Variants in DIS3L observed in about 807,000 individuals in gnomAD.
DIS3L encodes DIS3 like exosome 3'-5' exoribonuclease, also known as DIS3-like exonuclease 1.
DIS3L carries 100 observed loss-of-function variants against 120.3 expected under a neutral mutation model. The observed-to-expected ratio is 0.83, with a 90% CI of 0.71 to 0.98. DIS3L has a LOEUF of 0.98. Among genes scored for constraint, DIS3L ranks in the 50% least tolerant of loss-of-function variants. DIS3L has a pLI of 0.00. For missense variants in DIS3L, 1,196 were observed against 1,314.2 expected (o/e 0.91, Z 1.39); for synonymous variants, 426 against 470.6 (o/e 0.91, Z 1.23).
chr15:66,325,794 T>C (rs1290895444), intron 11 of DIS3L, 37 bp from the exon 12 acceptor site: 1 of 1,551,026 alleles, frequency 6.4e-7, no homozygotes, highest in Non-Finnish European at 8.7e-7. Flanking sequence ...CCAGATGAAT[T>C]TGAATAGTGA....
chr15:66,307,971 G>A (rs1373807328), intron 3 of DIS3L, among the ~76,000 whole-genome samples: 3 of 152,058 alleles, frequency 2.0e-5, no homozygotes, highest in African/African-American at 7.2e-5. Context: ...TCAGGAGTTC[G>A]AGACCGGCCT....
At chr15:66,330,979 AC>A (rs1303398645) in intron 14 of DIS3L, among the ~76,000 whole-genome samples, 1 of 151,870 alleles carries the variant, frequency 6.6e-6, no homozygotes, top group African/African-American at 2.4e-5. Flanking sequence ...ACATGGTGAA[AC>A]CCCGTTACTA....
intron 2 of DIS3L, among the ~76,000 whole-genome samples, chr15:66,303,014 C>T (rs1291336745): frequency 1.3e-5 from 2 of 152,138 alleles, no homozygotes; most frequent in Admixed American, 6.6e-5. Flanking sequence ...TTCTACTTTC[C>T]ATCTCTGTGA....
chr15:66,293,671 C>G lies in DIS3L; in HGVS notation c.75C>G (p.His25Gln). 7.0e-7 allele frequency: 1 copy of G among 1,420,590 alleles called. No homozygotes were observed. Among genetic ancestry groups the G allele is most frequent in the Non-Finnish European group, 9.2e-7 (1 of 1,085,218 alleles). The allele number at this position is 1,420,590 out of a possible 1,614,324, so 88.0% of individuals were successfully genotyped here. A position where few individuals can be genotyped will look rare whatever the true frequency, so the allele number is the denominator to read the frequency against. ...GCACGCTGCGGATCGTGCGCGAGCACTACCTGCGGCCCTGCGTGCCCTGCC... is the reference window on the plus strand; with the variant it reads ...GCACGCTGCGGATCGTGCGCGAGCAGTACCTGCGGCCCTGCGTGCCCTGCC... ...QGRTLRIVRE[H>Q]YLRPCVPCHS... The change falls in exon 1 of 17, where the codon CAC (histidine) becomes CAG (glutamine). Residue 25 changes from histidine to glutamine, a missense_variant. By Grantham distance (24) the His-to-Gln change is conservative. Transcript: ENST00000319212.
rs1189264570 is a variant in DIS3L, at chr15:66,329,121, T to C, written c.2353T>C (p.Tyr785His). ...GSCAEEEFHH[Y>H]GLALDKYTHF... ...CTGTGCGGAGGAGGAGTTCCATCAT[T>C]ACGGTGAATCATACCATATTCCTAT... is the stretch of plus-strand genomic sequence containing the variant. Residue 785 changes from tyrosine (Y) to histidine (H), a missense_variant, in exon 13 of 17, where the codon TAC becomes CAC. Tyr to His is a moderately conservative substitution (Grantham distance 83, BLOSUM62 2). Coordinates refer to ENST00000319212, the MANE Select transcript of DIS3L (RefSeq NM_001143688.3). 1.9e-6 allele frequency: 3 copies of C among 1,610,912 alleles called. No individual in the cohort carries two copies. The highest frequency in any genetic ancestry group is 2.5e-6 in the Non-Finnish European group (3 of 1,179,014).
At chr15:66,308,983 G>GC in intron 4 of DIS3L, 139 bp downstream of exon 4, 1 of 856,790 alleles carries the variant, frequency 1.2e-6, no homozygotes, top group East Asian at 3.1e-5. Context: ...GGTGGCTCAT[G>GC]CCTGTAATCC....
rs754890375 is a variant in DIS3L at position 66,311,793 on chromosome 15, C to T, written c.628C>T (p.Arg210Ter). The T allele has an allele frequency of 5.6e-6, 9 of 1,614,102 alleles. No homozygotes were observed. The highest frequency in any genetic ancestry group is 2.2e-5 in the East Asian group (1 of 44,878). Reference protein sequence around the residue: ...HELCDSILQSRRERENESQES... With the variant: ...HELCDSILQS ...GCTTTGTGATTCTATCCTTCAGTCT[C>T]GACGGGAGAGAGAGAATGAGAGTCA... is the stretch of plus-strand genomic sequence containing the variant. The change falls in exon 5 of 17, where the codon CGA becomes TGA. Residue 210 changes from arginine (R) to a stop codon, truncating the protein, a stop_gained. Transcript: ENST00000319212. LOFTEE classifies it high-confidence loss of function.
Position 66,329,044 on chromosome 15 carries a change from G to T in DIS3L, c.2276G>T (p.Arg759Leu). The T allele has an allele frequency of 6.2e-7, 1 of 1,614,202 alleles. No homozygotes were observed. The highest frequency in any genetic ancestry group is 2.2e-5 in the East Asian group (1 of 44,888). Residue 759 changes from arginine to leucine, a missense_variant, in exon 13 of 17, where the codon CGC (arginine) becomes CTC (leucine). Transcript: ENST00000319212. ...PHDPIVNRLL[R>L]SMATQAMSNA... ...GATCCCATTGTGAACAGGCTACTGC[G>T]CTCCATGGCCACGCAGGCCATGTCG...
chr15:66,302,087 C>A (rs1448702453), intron 2 of DIS3L, among the ~76,000 whole-genome samples: 1 of 152,130 alleles, frequency 6.6e-6, no homozygotes, highest in Non-Finnish European at 1.5e-5. Flanking sequence ...TCAAGAATCC[C>A]TGGGTCTGCA....
intron 4 of DIS3L, 139 bp downstream of exon 4, chr15:66,308,983 G>A (rs2092728856): frequency 3.5e-6 from 3 of 856,682 alleles, no homozygotes; most frequent in Non-Finnish European, 3.3e-6. Context: ...GGTGGCTCAT[G>A]CCTGTAATCC....
intron 2 of DIS3L, among the ~76,000 whole-genome samples, chr15:66,299,628 A>G (rs2092626010): frequency 6.6e-6 from 1 of 152,122 alleles, no homozygotes; most frequent in African/African-American, 2.4e-5. Context: ...GCTTTAGTCC[A>G]GATGAGGGAA....
chr15:66,307,803 G>A (rs2092716571), intron 3 of DIS3L, among the ~76,000 whole-genome samples: 1 of 152,188 alleles, frequency 6.6e-6, no homozygotes, highest in African/African-American at 2.4e-5. Flanking sequence ...TGGAGATGGA[G>A]GGAAGGTGGT....
chr15:66,311,587 G>C (rs1235086125), intron 4 of DIS3L, 137 bp from the exon 5 acceptor site: 5 of 955,770 alleles, frequency 5.2e-6, no homozygotes, highest in Non-Finnish European at 8.0e-6. Flanking sequence ...GTGGAGTGAG[G>C]CTCAGGAAGT....
chr15:66,313,303 A>C (rs989209478), intron 5 of DIS3L, among the ~76,000 whole-genome samples: 3 of 152,148 alleles, frequency 2.0e-5, no homozygotes, highest in African/African-American at 7.2e-5. Context: ...CCCTGGGAGG[A>C]TATTTTGAGA....
intron 5 of DIS3L, among the ~76,000 whole-genome samples, chr15:66,313,144 C>T (rs531727655): frequency 2.0e-4 from 31 of 152,084 alleles, no homozygotes; most frequent in Admixed American, 5.2e-4. Context: ...TACAGGCACA[C>T]GCCACCATGC....
chr15:66,322,763 T>C lies in DIS3L; in HGVS notation c.1403T>C (p.Leu468Ser). Residue 468 changes from leucine to serine, a missense_variant, in exon 10 of 17, where the codon TTG (leucine) becomes TCG (serine). Physicochemically the swap from Leu to Ser is moderately radical, Grantham distance 145 (BLOSUM62 -2). Transcript: ENST00000319212. ...GAAGAGGAACAAAAACGTAAAGACT[T>C]GAGGAAAAGCCATCTCGTATTCAGC... ...SPEEEQKRKD[L>S]RKSHLVFSID... 1 of 1,614,138 alleles carries C rather than the reference T, an allele frequency of 6.2e-7. No individual in the cohort carries two copies. Among genetic ancestry groups the C allele is most frequent in the Non-Finnish European group, 8.5e-7 (1 of 1,180,018 alleles).
intron 3 of DIS3L, 95 bp downstream of exon 3, chr15:66,307,047 ACAAAC>A: frequency 6.8e-7 from 1 of 1,476,602 alleles, no homozygotes; most frequent in Non-Finnish European, 9.2e-7. Context: ...GTCTGCTAGA[ACAAAC>A]CAACAATTAT....
At chr15:66,312,992 TA>T (rs1333570907) in intron 5 of DIS3L, among the ~76,000 whole-genome samples, 1 of 151,914 alleles carries the variant, frequency 6.6e-6, no homozygotes, top group Admixed American at 6.6e-5. Context: ...TAATTTAATT[TA>T]TTTTTTTATT....
chr15:66,320,441 T>C, intron 8 of DIS3L, 130 bp from the exon 9 acceptor site: 2 of 932,128 alleles, frequency 2.1e-6, no homozygotes, highest in Non-Finnish European at 3.1e-6. Flanking sequence ...AACCCTACCA[T>C]ACACCACTAT....
Sources: allele counts gnomAD v4.1 joint callset (sites outside exome capture counted in the v4.1 genomes callset), GRCh38; gene constraint gnomAD v4.1.1; transcripts MANE v1.5; gene names NCBI Gene and HGNC (gene_info 2026-07-23, HGNC 2026-07-21).